The following CCDC85C variants were observed in gnomAD, a reference collection of about 807,000 sequenced individuals.
CCDC85C encodes the protein coiled-coil domain-containing protein 85C.
Under a neutral mutation model 38.3 loss-of-function variants are expected in CCDC85C, and 18 were observed. The observed-to-expected ratio is 0.47, with a 90% CI of 0.33 to 0.70. CCDC85C has a LOEUF of 0.70. CCDC85C is among the 30% of genes least tolerant of loss of function. CCDC85C has a pLI of 0.03. For synonymous variants in CCDC85C, 264 were observed against 293.8 expected (o/e 0.90, Z 1.04); for missense variants, 566 against 621.2 (o/e 0.91, Z 0.94).
At chr14:99,559,146 C>G (rs772110912) in intron 1 of CCDC85C, among the ~76,000 whole-genome samples, 24 of 152,270 alleles carry the variant, frequency 1.6e-4, no homozygotes, top group Non-Finnish European at 3.2e-4. Context: ...AATTAAACCT[C>G]TTTTATTTAT....
intron 1 of CCDC85C, among the ~76,000 whole-genome samples, chr14:99,570,086 T>C (rs1352191493): frequency 6.6e-6 from 1 of 151,964 alleles, no homozygotes; most frequent in Non-Finnish European, 1.5e-5. Flanking sequence ...AAATGTGCCC[T>C]CCTGAGACCA....
chr14:99,515,777 G>T (rs1426486169), intron 5 of CCDC85C, among the ~76,000 whole-genome samples: 1 of 152,104 alleles, frequency 6.6e-6, no homozygotes, highest in Non-Finnish European at 1.5e-5. Flanking sequence ...GGGCTGGAGG[G>T]TTCCACCTGG....
chr14:99,530,750 C>T (rs1427946306), intron 2 of CCDC85C, among the ~76,000 whole-genome samples: 1 of 152,228 alleles, frequency 6.6e-6, no homozygotes, highest in African/African-American at 2.4e-5. Flanking sequence ...CGCTGGGCAT[C>T]ACCTCCCAGG....
In CCDC85C at chr14:99,510,461, C is replaced by T. The variant is rs1897099593; in HGVS notation, c.*4785G>A. On this transcript the variant is annotated 3_prime_UTR_variant, in exon 6 of 6. Coordinates refer to ENST00000380243, the MANE Select transcript of CCDC85C (RefSeq NM_001144995.2). ...GCCCACCTGCACACCTGCCCTACCACCCCCATGTCTACCCGCCCAACCCGC... is the reference window on the plus strand; with the variant it reads ...GCCCACCTGCACACCTGCCCTACCATCCCCATGTCTACCCGCCCAACCCGC... The T allele has an allele frequency of 1.3e-6, 2 of 1,520,486 alleles. No individual in the cohort carries two copies. Among genetic ancestry groups the T allele is most frequent in the African/African-American group, 1.5e-5 (1 of 68,112 alleles). The allele number at this position is 1,520,486 out of a possible 1,614,324, so 94.2% of individuals were successfully genotyped here.
intron 1 of CCDC85C, among the ~76,000 whole-genome samples, chr14:99,547,728 C>T (rs967454538): frequency 1.3e-5 from 2 of 151,234 alleles, no homozygotes; most frequent in East Asian, 2.0e-4. Context: ...AAGCCAAGAT[C>T]GCGCCACTGC....
intron 5 of CCDC85C, 94 bp from the exon 6 acceptor site, chr14:99,515,429 C>T (rs1422792258): frequency 2.2e-5 from 20 of 889,978 alleles, no homozygotes; most frequent in Middle Eastern, 2.2e-4. Flanking sequence ...GAATCACCCA[C>T]GTCCTCAGAG....
chr14:99,543,461 A>C (rs1897751060), intron 1 of CCDC85C, among the ~76,000 whole-genome samples: 1 of 152,210 alleles, frequency 6.6e-6, no homozygotes, highest in Non-Finnish European at 1.5e-5. Flanking sequence ...CATCTACTGC[A>C]ACGCAAAGAG....
Position 99,518,770 on chromosome 14 carries a change from G to A in CCDC85C, c.976-1587C>T, listed in dbSNP as rs191276876. On this transcript the variant is annotated intron_variant, in intron 3 of 5. Transcript: ENST00000380243. ...TACAGCCCCCGGCTCTAGGGGGCTG[G>A]GATTTCTGCAGCACAGGCAGGAGGG... is the stretch of plus-strand genomic sequence containing the variant. Among the ~76,000 whole-genome samples, 620 of 152,344 alleles carry A rather than the reference G, an allele frequency of 4.1e-3. 1 individual carries two copies. The highest frequency in any genetic ancestry group is 0.014 in the African/African-American group (586 of 41,586).
chr14:99,532,551 C>T (rs1024895764), intron 2 of CCDC85C, among the ~76,000 whole-genome samples: 1 of 152,182 alleles, frequency 6.6e-6, no homozygotes, highest in African/African-American at 2.4e-5. Flanking sequence ...AAACACAGGT[C>T]TGGGAGAGAA....
chr14:99,522,001 C>T lies in CCDC85C; in HGVS notation c.975+132G>A, dbSNP rs115954840. ...TCTAACTGCCACACTGGATGGGACACGGACACAGGGCCTAGGGCTGGGGCT... is the reference window on the plus strand; with the variant it reads ...TCTAACTGCCACACTGGATGGGACATGGACACAGGGCCTAGGGCTGGGGCT... On this transcript the variant is annotated intron_variant, in intron 3 of 5. Coordinates refer to ENST00000380243, the MANE Select transcript of CCDC85C (RefSeq NM_001144995.2). The T allele has an allele frequency of 2.0e-4, 138 of 681,372 alleles. No homozygotes were observed. The African/African-American group carries it at 2.2e-3, about 11-fold the overall frequency. 42.2% of individuals were successfully genotyped at this position (681,372 alleles called of 1,614,324 possible). A position where few individuals can be genotyped will look rare whatever the true frequency, so the allele number is the denominator to read the frequency against.
At chr14:99,519,563 C>G (rs985328513) in intron 3 of CCDC85C, among the ~76,000 whole-genome samples, 1 of 152,104 alleles carries the variant, frequency 6.6e-6, no homozygotes, top group African/African-American at 2.4e-5. Flanking sequence ...CCAGTGTGCA[C>G]CAGAGAGAAC....
rs1434630799 is a variant in CCDC85C, at chr14:99,503,280, T to C, written c.*11966A>G. On this transcript the variant is annotated 3_prime_UTR_variant, in exon 6 of 6. Transcript: ENST00000380243. The stretch of plus-strand genomic sequence containing the variant: ...CGTTGCCGTGTCCTAGCAGTGTCGT[T>C]GTGCATGCTGCTTCTGTGCAGCTGC... The C allele has an allele frequency of 2.1e-5, 13 of 621,406 alleles. No individual in the cohort carries two copies. Among genetic ancestry groups the C allele is most frequent in the East Asian group, 8.3e-5 (3 of 36,172 alleles). 38.5% of individuals were successfully genotyped at this position (621,406 alleles called of 1,614,324 possible).
At chr14:99,556,469 A>G (rs920385365) in intron 1 of CCDC85C, among the ~76,000 whole-genome samples, 6 of 152,198 alleles carry the variant, frequency 3.9e-5, no homozygotes, top group Non-Finnish European at 8.8e-5. Flanking sequence ...AATAGTATCA[A>G]CGTTAAATGT....
chr14:99,546,001 G>T (rs1035973139), intron 1 of CCDC85C, among the ~76,000 whole-genome samples: 10 of 151,558 alleles, frequency 6.6e-5, no homozygotes, highest in Non-Finnish European at 7.4e-5. Context: ...TGAAGCAAAG[G>T]CAAAAAAAGC....
Position 99,501,032 on chromosome 14 carries a change from G to A in CCDC85C, c.*14214C>T, listed in dbSNP as rs1314398050. On this transcript the variant is annotated 3_prime_UTR_variant, in exon 6 of 6. Coordinates refer to ENST00000380243, the MANE Select transcript of CCDC85C (RefSeq NM_001144995.2). Reference sequence around the variant, plus strand: ...TCAATTCAGCATTGCAGCTGCTAATGCTGTTTCCTTTTATGTATAAACAGG... The same window carrying A: ...TCAATTCAGCATTGCAGCTGCTAATACTGTTTCCTTTTATGTATAAACAGG... The A allele has an allele frequency of 3.2e-6, 2 of 621,138 alleles. No individual in the cohort carries two copies. Among genetic ancestry groups the A allele is most frequent in the Admixed American group, 3.2e-5 (1 of 31,562 alleles). The allele number at this position is 621,138 out of a possible 1,614,324, so 38.5% of individuals were successfully genotyped here. A position where few individuals can be genotyped will look rare whatever the true frequency, so the allele number is the denominator to read the frequency against.
intron 1 of CCDC85C, among the ~76,000 whole-genome samples, chr14:99,601,185 T>C (rs1295985262): frequency 6.6e-6 from 1 of 152,182 alleles, no homozygotes; most frequent in East Asian, 1.9e-4. Flanking sequence ...GTAACCGAAA[T>C]TTGTAATAAT....
intron 1 of CCDC85C, among the ~76,000 whole-genome samples, chr14:99,595,295 G>A (rs1338857270): frequency 6.6e-6 from 1 of 152,138 alleles, no homozygotes. Flanking sequence ...TTGCTCTGTG[G>A]CCCAGGCTGG....
chr14:99,561,129 G>A (rs1018364579), intron 1 of CCDC85C, among the ~76,000 whole-genome samples: 1 of 152,188 alleles, frequency 6.6e-6, no homozygotes, highest in Non-Finnish European at 1.5e-5. Flanking sequence ...GCATGGGGGG[G>A]TGCCTGCTGC....
At chr14:99,590,714 C>T (rs993617394) in intron 1 of CCDC85C, among the ~76,000 whole-genome samples, 1 of 152,232 alleles carries the variant, frequency 6.6e-6, no homozygotes, top group African/African-American at 2.4e-5. Flanking sequence ...CAGCCAAGTC[C>T]TAGCAGGGGA....
Sources: gnomAD v4.1 joint callset for allele counts (sites outside exome capture counted in the v4.1 genomes callset) on GRCh38, gnomAD v4.1.1 for gene constraint, MANE v1.5 for transcripts, NCBI Gene and HGNC (gene_info 2026-07-23, HGNC 2026-07-21) for gene names.